WNT7B: variants seen among roughly 807,000 people sequenced by gnomAD.
The protein encoded by WNT7B is Wnt family member 7B.
In WNT7B, 19 loss-of-function variants were observed where a neutral mutation model predicts 38.2. The ratio of observed to expected loss-of-function variants is 0.50; its 90% CI spans 0.35 to 0.73. The LOEUF is 0.73. Among genes scored for constraint, WNT7B ranks in the 30% least tolerant of loss-of-function variants. The pLI is 0.01. For missense variants in WNT7B, 423 were observed against 507.9 expected (o/e 0.83, Z 1.61); for synonymous variants, 243 against 209.3 (o/e 1.16, Z -1.39).
chr22:45,950,705 C>T (rs1931911942), intron 1 of WNT7B, among the ~76,000 whole-genome samples: 1 of 152,220 alleles, frequency 6.6e-6, no homozygotes, highest in African/African-American at 2.4e-5. Flanking sequence ...CACTCCCCGT[C>T]TGAGCCTCAG....
At chr22:45,928,651 CCTTTCCATCACTTGT>C (rs1327790045) in intron 3 of WNT7B, among the ~76,000 whole-genome samples, 1 of 152,192 alleles carries the variant, frequency 6.6e-6, no homozygotes, top group African/African-American at 2.4e-5. Context: ...TTCCCTTCTG[CCTTTCCATCACTTGT>C]GAGTCACCAG....
At position 45,965,305 on chromosome 22, in the gene WNT7B, G is replaced by T. The variant is rs1932288189; in HGVS notation, c.71+11379C>A. Reference sequence around the variant, plus strand: ...CAGATGGCTTAGAGCTCCTGCTGTGGGTCCCACAGGGCTTTGTGTCAACGA... The same window carrying T: ...CAGATGGCTTAGAGCTCCTGCTGTGTGTCCCACAGGGCTTTGTGTCAACGA... On this transcript the variant is annotated intron_variant, in intron 1 of 3. Coordinates refer to ENST00000339464, the MANE Select transcript of WNT7B (RefSeq NM_058238.3). This position sits in a 1 kb window ranked among gnomAD's most constrained non-coding sequence, Gnocchi z 6.5. Among the ~76,000 whole-genome samples, 1 of 152,208 alleles carries T rather than the reference G, an allele frequency of 6.6e-6. No individual in the cohort carries two copies. Among genetic ancestry groups the T allele is most frequent in the Admixed American group, 6.5e-5 (1 of 15,278 alleles).
chr22:45,958,717 C>A (rs1199701676), intron 1 of WNT7B, among the ~76,000 whole-genome samples: 1 of 152,198 alleles, frequency 6.6e-6, no homozygotes, highest in African/African-American at 2.4e-5. Flanking sequence ...TGTCCCGGGG[C>A]TGGCCAGTGC....
At chr22:45,933,497 G>A (rs761369123) in intron 2 of WNT7B, among the ~76,000 whole-genome samples, 5 of 151,938 alleles carry the variant, frequency 3.3e-5, no homozygotes, top group Admixed American at 6.6e-5. Flanking sequence ...TAAACGCCCC[G>A]TTCTGTCTGC....
intron 1 of WNT7B, chr22:45,972,217 G>A: frequency 1.5e-6 from 1 of 649,716 alleles, no homozygotes; most frequent in Non-Finnish European, 2.8e-6. Flanking sequence ...CGAGCGCGCT[G>A]CGCGGCGACA....
At chr22:45,960,023 CT>C (rs1374392016) in intron 1 of WNT7B, among the ~76,000 whole-genome samples, 1 of 152,204 alleles carries the variant, frequency 6.6e-6, no homozygotes, top group African/African-American at 2.4e-5. Context: ...ATCAGAAAGG[CT>C]TTCCCCAGCA....
At chr22:45,947,158 G>C (rs890084377) in intron 2 of WNT7B, among the ~76,000 whole-genome samples, 119 of 152,252 alleles carry the variant, frequency 7.8e-4, no homozygotes, top group African/African-American at 2.7e-3. Flanking sequence ...GGGGAGGAGA[G>C]AGGAGTCAGA....
chr22:45,930,791 G>C (rs66505729), intron 3 of WNT7B, among the ~76,000 whole-genome samples: 55,972 of 152,070 alleles, frequency 0.37, 10,417 homozygotes, highest in Admixed American at 0.41. Context: ...GGGACCCTCC[G>C]CCACGGGGTC....
At chr22:45,939,670 C>CACACACACACACACAA (rs1417517350) in intron 2 of WNT7B, among the ~76,000 whole-genome samples, 10 of 151,606 alleles carry the variant, frequency 6.6e-5, no homozygotes, top group Middle Eastern at 3.4e-3. Flanking sequence ...CACACACACA[C>CACACACACACACACAA]AAAAATAGCC....
chr22:45,959,129 G>A (rs986395390), intron 1 of WNT7B, among the ~76,000 whole-genome samples: 1 of 152,222 alleles, frequency 6.6e-6, no homozygotes, highest in Non-Finnish European at 1.5e-5. Context: ...GGTGACGAGT[G>A]GCTGACAGAC....
chr22:45,926,120 G>A (rs779438457), intron 3 of WNT7B: 8 of 985,334 alleles, frequency 8.1e-6, no homozygotes, highest in Middle Eastern at 5.2e-4. Flanking sequence ...CTTGCAGAGC[G>A]AGGGGCCACA....
intron 1 of WNT7B, among the ~76,000 whole-genome samples, chr22:45,970,724 G>C (rs1338743899): frequency 6.6e-6 from 1 of 152,242 alleles, no homozygotes; most frequent in African/African-American, 2.4e-5. Flanking sequence ...GAGGCTTCCT[G>C]GCCTCCAACC....
intron 3 of WNT7B, among the ~76,000 whole-genome samples, chr22:45,930,074 C>T (rs912678372): frequency 2.0e-5 from 3 of 149,686 alleles, no homozygotes; most frequent in African/African-American, 7.4e-5. Flanking sequence ...TGTGCCAGGC[C>T]CTACTTGCTT....
intron 2 of WNT7B, chr22:45,935,915 C>G (rs79054535): frequency 1.0e-6 from 1 of 984,958 alleles, no homozygotes; most frequent in African/African-American, 1.8e-5. Flanking sequence ...TGTTTGGGGC[C>G]GGCAGCTGTC....
Position 45,950,080 on chromosome 22 carries a change from C to A in WNT7B, c.138G>T (p.Pro46=), listed in dbSNP as rs547199809. 1 of 1,613,914 alleles carries A rather than the reference C, an allele frequency of 6.2e-7. No homozygotes were observed. Among genetic ancestry groups the A allele is most frequent in the South Asian group, 1.1e-5 (1 of 91,094 alleles). The change falls in exon 2 of 4, where the codon CCG becomes CCT. Residue 46 remains proline (P), a synonymous_variant. Coordinates refer to ENST00000339464, the MANE Select transcript of WNT7B (RefSeq NM_058238.3). ...GACTCTGGCAGATGGCACGCTGCCGCGGGGCTAGGCCAGGAATCTTGTTGC... is the reference window on the plus strand; with the variant it reads ...GACTCTGGCAGATGGCACGCTGCCGAGGGGCTAGGCCAGGAATCTTGTTGC... ...IICNKIPGLA[P]RQRAICQSRP... is the part of the protein sequence containing the mutation.
intron 1 of WNT7B, among the ~76,000 whole-genome samples, chr22:45,967,581 G>T (rs1245852903): frequency 1.3e-5 from 2 of 152,110 alleles, no homozygotes; most frequent in Non-Finnish European, 2.9e-5. Context: ...ACACCGCTAT[G>T]CCACACCCAG....
chr22:45,924,913 A>T (rs144670858), intron 3 of WNT7B, among the ~76,000 whole-genome samples: 2 of 75,760 alleles, frequency 2.6e-5, no homozygotes, highest in Non-Finnish European at 2.5e-5. Flanking sequence ...TGGGCCCTAG[A>T]GTGGCAGGTG....
intron 1 of WNT7B, chr22:45,954,611 G>A: frequency 2.0e-6 from 2 of 985,366 alleles, no homozygotes; most frequent in Non-Finnish European, 2.4e-6. Context: ...CCCCCTGCGT[G>A]CCCGTGCATG....
At chr22:45,924,979 G>A (rs1931037067) in intron 3 of WNT7B, among the ~76,000 whole-genome samples, 2 of 145,672 alleles carry the variant, frequency 1.4e-5, no homozygotes, top group Admixed American at 6.8e-5. Flanking sequence ...CCCTAGGCTG[G>A]CAGGTGGGTG....
Sources: allele counts gnomAD v4.1 joint callset (sites outside exome capture counted in the v4.1 genomes callset), GRCh38; gene constraint gnomAD v4.1.1; non-coding constraint Gnocchi (gnomAD v3.1); transcripts MANE v1.5; gene names NCBI Gene and HGNC (gene_info 2026-07-23, HGNC 2026-07-21).